Variants in NBAS observed in about 807,000 individuals in gnomAD.
NBAS encodes the protein NBAS subunit of NRZ tethering complex.
NBAS carries 219 observed loss-of-function variants against 302.5 expected under a neutral mutation model. The ratio of observed to expected loss-of-function variants is 0.72; its 90% CI spans 0.65 to 0.81. The LOEUF is 0.81. Ranked by LOEUF, NBAS falls within the 30% of genes least tolerant of loss-of-function variation. The pLI is 0.00. For synonymous variants in NBAS, 1,118 were observed against 1,021.6 expected (o/e 1.09, Z -1.80); for missense variants, 2,932 against 2,841.6 (o/e 1.03, Z -0.72).
At chr2:15,429,950 T>G (rs993723658) in intron 21 of NBAS, among the ~76,000 whole-genome samples, 2 of 152,194 alleles carry the variant, frequency 1.3e-5, no homozygotes, top group African/African-American at 4.8e-5. Flanking sequence ...ACAAGGATGA[T>G]GATGATTACT....
At chr2:15,442,171 C>A (rs1678457816) in intron 21 of NBAS, among the ~76,000 whole-genome samples, 1 of 126,214 alleles carries the variant, frequency 7.9e-6, no homozygotes, top group Non-Finnish European at 1.7e-5. Context: ...TAGACATCTA[C>A]AGAACTCTCC....
At chr2:15,416,294 C>T (rs1461666331) in intron 24 of NBAS, among the ~76,000 whole-genome samples, 1 of 152,116 alleles carries the variant, frequency 6.6e-6, no homozygotes, top group Non-Finnish European at 1.5e-5. Flanking sequence ...CTTTGTTTTG[C>T]CCCTTTACAA....
intron 19 of NBAS, among the ~76,000 whole-genome samples, chr2:15,464,196 G>A (rs570568205): frequency 5.9e-5 from 9 of 152,096 alleles, no homozygotes; most frequent in South Asian, 2.1e-4. Context: ...GTTCATCAAC[G>A]CTACTACATT....
the NBAS span, among the ~76,000 whole-genome samples, chr2:15,003,346 T>C: frequency 2.0e-5 from 3 of 152,214 alleles, no homozygotes; most frequent in Admixed American, 2.0e-4. Context: ...TGTATTTATT[T>C]GCCCACTCAT....
the NBAS span, among the ~76,000 whole-genome samples, chr2:15,072,778 A>C: frequency 6.6e-6 from 1 of 152,214 alleles, no homozygotes; most frequent in African/African-American, 2.4e-5. Flanking sequence ...TTATGTACTC[A>C]GTAGAACTTT....
chr2:15,016,744 C>A, the NBAS span, among the ~76,000 whole-genome samples: 1 of 152,008 alleles, frequency 6.6e-6, no homozygotes, highest in African/African-American at 2.4e-5. Flanking sequence ...CTGTAGTAAC[C>A]AAGACATCAT....
chr2:15,509,072 A>T (rs1662012941), intron 10 of NBAS, among the ~76,000 whole-genome samples: 2 of 152,224 alleles, frequency 1.3e-5, no homozygotes, highest in South Asian at 4.1e-4. Flanking sequence ...CCTAAATCAG[A>T]GAGATAAACA....
chr2:14,883,006 G>T, the NBAS span, among the ~76,000 whole-genome samples: 9 of 152,146 alleles, frequency 5.9e-5, no homozygotes, highest in African/African-American at 2.2e-4. Flanking sequence ...CCTAAAATTA[G>T]ATTTCTTAAG....
chr2:15,073,223 A>G, the NBAS span, among the ~76,000 whole-genome samples: 6,469 of 152,288 alleles, frequency 0.042, 336 homozygotes, highest in East Asian at 0.11. Flanking sequence ...TCACACCTGT[A>G]ATCCCAACAC....
At chr2:14,983,630 G>T in the NBAS span, among the ~76,000 whole-genome samples, 1 of 152,060 alleles carries the variant, frequency 6.6e-6, no homozygotes, top group Non-Finnish European at 1.5e-5. Flanking sequence ...TAAAGCAATA[G>T]GATTACTTGG....
chr2:15,530,690 TAA>T (rs1663174238), intron 9 of NBAS, among the ~76,000 whole-genome samples: 1 of 151,904 alleles, frequency 6.6e-6, no homozygotes, highest in African/African-American at 2.4e-5. Flanking sequence ...CAGGTCATTC[TAA>T]GAGACCCTAC....
At chr2:14,948,068 G>C in the NBAS span, among the ~76,000 whole-genome samples, 1 of 151,978 alleles carries the variant, frequency 6.6e-6, no homozygotes, top group African/African-American at 2.4e-5. Context: ...GACAAAGTAA[G>C]ACCTAGTGTT....
At chr2:15,298,873 G>T (rs886994486) in intron 40 of NBAS, among the ~76,000 whole-genome samples, 11 of 152,162 alleles carry the variant, frequency 7.2e-5, no homozygotes, top group Admixed American at 2.6e-4. Flanking sequence ...ACGCCCATTT[G>T]TAGTTGAAGC....
chr2:14,875,703 T>C, the NBAS span, among the ~76,000 whole-genome samples: 1 of 152,176 alleles, frequency 6.6e-6, no homozygotes, highest in Admixed American at 6.5e-5. Context: ...TAGCTTAAAA[T>C]ATGAAATGTT....
chr2:15,461,587 A>G (rs948664123), intron 20 of NBAS, 100 bp downstream of exon 20: 1 of 809,476 alleles, frequency 1.2e-6, no homozygotes, highest in African/African-American at 1.8e-5. Context: ...AAAACAAAAA[A>G]GAAAATGTAA....
chr2:15,350,756 T>G (rs1673316028), intron 35 of NBAS, among the ~76,000 whole-genome samples: 1 of 152,194 alleles, frequency 6.6e-6, no homozygotes, highest in Non-Finnish European at 1.5e-5. Context: ...GCTATCTCCA[T>G]CTCATTAGTA....
chr2:15,239,474 A>AT (rs970413841), intron 44 of NBAS, among the ~76,000 whole-genome samples: 9 of 150,510 alleles, frequency 6.0e-5, no homozygotes, highest in African/African-American at 9.8e-5. Context: ...TAGATTTCAG[A>AT]TTTTTTTTGG....
In NBAS at chr2:15,292,660, T is replaced by A. The variant is rs1271035477; in HGVS notation, c.4904A>T (p.Tyr1635Phe). Reference protein sequence around the residue: ...LISLTKQLHCYNERLLDFTQA... With the variant: ...LISLTKQLHCFNERLLDFTQA... ...AGTGAAATCCAGGAGACGTTCATTG[T>A]AGCAGTGTAACTGCTTGGTCAGTGA... Residue 1635 changes from tyrosine (Y) to phenylalanine (F), a missense_variant, in exon 41 of 52, where the codon TAC becomes TTC. Coordinates refer to ENST00000281513, the MANE Select transcript of NBAS (RefSeq NM_015909.4). The A allele has an allele frequency of 1.9e-6, 3 of 1,614,098 alleles. No individual in the cohort carries two copies. Among genetic ancestry groups the A allele is most frequent in the Non-Finnish European group, 2.5e-6 (3 of 1,180,042 alleles).
intron 32 of NBAS, among the ~76,000 whole-genome samples, chr2:15,366,330 G>A (rs1012665665): frequency 2.6e-5 from 4 of 152,084 alleles, no homozygotes; most frequent in Non-Finnish European, 1.5e-5. Flanking sequence ...GCTCAATATT[G>A]GCACATTTTT....
Sources: gnomAD v4.1 joint callset for allele counts (sites outside exome capture counted in the v4.1 genomes callset) on GRCh38, gnomAD v4.1.1 for gene constraint, MANE v1.5 for transcripts, NCBI Gene and HGNC (gene_info 2026-07-23, HGNC 2026-07-21) for gene names.